The following MOG variants were observed in gnomAD, a reference collection of about 807,000 sequenced individuals.
MOG encodes the protein myelin-oligodendrocyte glycoprotein.
Under a neutral mutation model 35.9 loss-of-function variants are expected in MOG, and 20 were observed. The observed-to-expected ratio is 0.56, with a 90% CI of 0.39 to 0.81. MOG has a LOEUF of 0.81. MOG is among the 30% of genes least tolerant of loss of function. MOG has a pLI of 0.00. For missense variants in MOG, 251 were observed against 301.0 expected (o/e 0.83, Z 1.23); for synonymous variants, 92 against 114.3 (o/e 0.80, Z 1.25).
At chr6:29,668,361 G>A (rs1296976302) in intron 5 of MOG, among the ~76,000 whole-genome samples, 2 of 152,132 alleles carry the variant, frequency 1.3e-5, no homozygotes, top group Non-Finnish European at 2.9e-5. Context: ...ACTAATCAGA[G>A]AAGACCTCAT....
intron 2 of MOG, chr6:29,660,004 A>G (rs898659750): frequency 2.3e-4 from 91 of 397,596 alleles, no homozygotes; most frequent in African/African-American, 1.8e-3. Flanking sequence ...TTATTGAGTG[A>G]TAAGAGCAAG....
In MOG at chr6:29,667,675, T is replaced by G; in HGVS notation, c.571+12T>G. 2 of 1,614,076 alleles carry G rather than the reference T, an allele frequency of 1.2e-6. No individual in the cohort carries two copies. Among genetic ancestry groups the G allele is most frequent in the Non-Finnish European group, 1.7e-6 (2 of 1,179,988 alleles). ...TCGAGCAGAGATAGGTGAGTTCCAGTCATCGTTTCTCCCAATTCTTGCCTT... is the reference window on the plus strand; with the variant it reads ...TCGAGCAGAGATAGGTGAGTTCCAGGCATCGTTTCTCCCAATTCTTGCCTT... On this transcript the variant is annotated intron_variant, in intron 4 of 7. Coordinates refer to ENST00000376917, the MANE Select transcript of MOG (RefSeq NM_206809.4).
chr6:29,662,391 G>T lies in MOG; in HGVS notation c.436+2725G>T, dbSNP rs1769014441. On this transcript the variant is annotated intron_variant, in intron 2 of 7. Coordinates refer to ENST00000376917, the MANE Select transcript of MOG (RefSeq NM_206809.4). The surrounding 1 kb of genome is among the most constrained non-coding windows in gnomAD (Gnocchi z 4.2). ...CCCAGCTACTTGAGAGACTGAGGCA[G>T]GAGAATCGCTTGAACCGGGAGGCAG... Among the ~76,000 whole-genome samples the T allele has an allele frequency of 6.6e-6, 1 of 152,096 alleles. No individual in the cohort carries two copies.
Position 29,671,214 on chromosome 6 carries a change from G to A in MOG, c.*29G>A. Reference sequence around the variant, plus strand: ...ATGTCACATCTTGGCAGGGGTGGAGGAGAGCCTGGTTGCCCAGGGATTTGT... The same window carrying A: ...ATGTCACATCTTGGCAGGGGTGGAGAAGAGCCTGGTTGCCCAGGGATTTGT... On this transcript the variant is annotated 3_prime_UTR_variant, in exon 8 of 8. Coordinates refer to ENST00000376917, the MANE Select transcript of MOG (RefSeq NM_206809.4). The A allele has an allele frequency of 2.5e-6, 4 of 1,612,794 alleles. No homozygotes were observed. Among genetic ancestry groups the A allele is most frequent in the Non-Finnish European group, 3.4e-6 (4 of 1,180,012 alleles).
chr6:29,665,117 A>G (rs563267221), intron 2 of MOG, among the ~76,000 whole-genome samples: 1 of 148,766 alleles, frequency 6.7e-6, no homozygotes, highest in South Asian at 2.1e-4. Flanking sequence ...TTTTTTTGAG[A>G]TGGAGTTTCG....
intron 1 of MOG, among the ~76,000 whole-genome samples, chr6:29,658,749 T>C (rs1767753165): frequency 6.6e-6 from 1 of 152,196 alleles, no homozygotes; most frequent in South Asian, 2.1e-4. Flanking sequence ...AGATGATTGC[T>C]AAAATGTTCT....
In MOG at chr6:29,671,612, T is replaced by C; in HGVS notation, c.*427T>C. On this transcript the variant is annotated 3_prime_UTR_variant, in exon 8 of 8. Coordinates refer to ENST00000376917, the MANE Select transcript of MOG (RefSeq NM_206809.4). ...TTTCTTCCAAGACTCCAGCCCTGAT[T>C]GCGCAAAACTGAAAGGCATGTGAAG... 1 of 671,652 alleles carries C rather than the reference T, an allele frequency of 1.5e-6. No homozygotes were observed. The highest frequency in any genetic ancestry group is 2.7e-6 in the Non-Finnish European group (1 of 374,064). 41.6% of individuals were successfully genotyped at this position (671,652 alleles called of 1,614,324 possible). A position where few individuals can be genotyped will look rare whatever the true frequency, so the allele number is the denominator to read the frequency against.
Position 29,659,634 on chromosome 6 carries a change from A to G in MOG, c.404A>G (p.Gln135Arg). 1 of 1,613,160 alleles carries G rather than the reference A, an allele frequency of 6.2e-7. No homozygotes were observed. Among genetic ancestry groups the G allele is most frequent in the Non-Finnish European group, 8.5e-7 (1 of 1,180,022 alleles). The part of the protein sequence containing the change: ...FTCFFRDHSY[Q>R]EEAAMELKVE... The stretch of plus-strand genomic sequence containing the variant: ...TGCTTCTTCCGAGATCATTCTTACC[A>G]AGAGGAGGCAGCAATGGAATTGAAA... The change falls in exon 2 of 8, where the codon CAA becomes CGA. Residue 135 changes from glutamine (Q) to arginine (R), a missense_variant. By Grantham distance (43) the Gln-to-Arg change is conservative (BLOSUM62 1). Transcript: ENST00000376917.
In MOG at chr6:29,670,643, G is replaced by A; in HGVS notation, c.710-58G>A. On this transcript the variant is annotated intron_variant, in intron 6 of 7. Coordinates refer to ENST00000376917, the MANE Select transcript of MOG (RefSeq NM_206809.4). This position sits in a 1 kb window ranked among gnomAD's most constrained non-coding sequence, Gnocchi z 4.2. The stretch of plus-strand genomic sequence containing the variant: ...CACTCCAAATGTCCATAGGGAGGAT[G>A]TGGGGAAGGTGCTATTCATCTTCCA... The A allele has an allele frequency of 6.2e-7, 1 of 1,603,342 alleles. No individual in the cohort carries two copies. Among genetic ancestry groups the A allele is most frequent in the Non-Finnish European group, 8.5e-7 (1 of 1,174,868 alleles).
chr6:29,667,848 T>A (rs1770559154), intron 4 of MOG, 56 bp from the exon 5 acceptor site: 1 of 1,602,098 alleles, frequency 6.2e-7, no homozygotes, highest in Non-Finnish European at 8.6e-7. Flanking sequence ...AGACTCAGGA[T>A]AAAAGATCCT....
At chr6:29,657,398 T>A in intron 1 of MOG, 101 bp downstream of exon 1, 1 of 942,566 alleles carries the variant, frequency 1.1e-6, no homozygotes, top group East Asian at 2.6e-5. Flanking sequence ...TGCTATATTA[T>A]CTTTCTAAAA....
At chr6:29,661,295 T>C (rs1768680476) in intron 2 of MOG, 1 of 787,074 alleles carries the variant, frequency 1.3e-6, no homozygotes, top group Non-Finnish European at 1.5e-6. Context: ...GATGGCATTG[T>C]ATGTGGAACA....
intron 2 of MOG, among the ~76,000 whole-genome samples, chr6:29,660,587 C>A (rs115369481): frequency 4.1e-5 from 6 of 147,614 alleles, no homozygotes; most frequent in African/African-American, 7.6e-5. Flanking sequence ...CACACACACA[C>A]ACCTGTGCTT....
Position 29,662,578 on chromosome 6 carries a change from C to T in MOG, c.436+2912C>T, listed in dbSNP as rs890667143. Among the ~76,000 whole-genome samples the T allele has an allele frequency of 6.6e-6, 1 of 152,144 alleles. No homozygotes were observed. The highest frequency in any genetic ancestry group is 2.4e-5 in the African/African-American group (1 of 41,438). Reference sequence around the variant, plus strand: ...GCAGCACTTGTCAATCCAGGGACCACCCACCTCACCGGCTCCCCACTCATT... The same window carrying T: ...GCAGCACTTGTCAATCCAGGGACCATCCACCTCACCGGCTCCCCACTCATT... On this transcript the variant is annotated intron_variant, in intron 2 of 7. Coordinates refer to ENST00000376917, the MANE Select transcript of MOG (RefSeq NM_206809.4). This position sits in a 1 kb window ranked among gnomAD's most constrained non-coding sequence, Gnocchi z 4.2.
At chr6:29,666,308 T>A in intron 3 of MOG, 43 bp downstream of exon 3, 1 of 1,194,428 alleles carries the variant, frequency 8.4e-7, no homozygotes. Flanking sequence ...TTTCTTTAAA[T>A]GAGCTGGCTT....
In MOG at chr6:29,671,639, G is replaced by A. The variant is rs115665861; in HGVS notation, c.*454G>A. On this transcript the variant is annotated 3_prime_UTR_variant, in exon 8 of 8. Transcript: ENST00000376917. ...CGCAAAACTGAAAGGCATGTGAAGGGAAGGAAGAGGAAGAGTGCAAAACAT... is the reference window on the plus strand; with the variant it reads ...CGCAAAACTGAAAGGCATGTGAAGGAAAGGAAGAGGAAGAGTGCAAAACAT... 9.5e-3 allele frequency: 5,987 copies of A among 629,974 alleles called. 81 individuals are homozygous for A. Among genetic ancestry groups the A allele is most frequent in the African/African-American group, 0.04 (2,218 of 54,854 alleles). The allele number at this position is 629,974 out of a possible 1,614,324, so 39.0% of individuals were successfully genotyped here.
Position 29,670,964 on chromosome 6 carries a change from T to C in MOG, c.731-208T>C. 4 of 1,612,234 alleles carry C rather than the reference T, an allele frequency of 2.5e-6. No individual in the cohort carries two copies. Among genetic ancestry groups the C allele is most frequent in the Non-Finnish European group, 3.4e-6 (4 of 1,179,768 alleles). Reference sequence around the variant, plus strand: ...TCCTATCTGCCACCTGATCCATTCCTCCTTCACTGCCCCTAAGCAGGAATC... The same window carrying C: ...TCCTATCTGCCACCTGATCCATTCCCCCTTCACTGCCCCTAAGCAGGAATC... On this transcript the variant is annotated intron_variant, in intron 7 of 7. Coordinates refer to ENST00000376917, the MANE Select transcript of MOG (RefSeq NM_206809.4). This position sits in a 1 kb window ranked among gnomAD's most constrained non-coding sequence, Gnocchi z 4.2.
At chr6:29,664,810 T>C (rs771882177) in intron 2 of MOG, 10 of 323,480 alleles carry the variant, frequency 3.1e-5, no homozygotes, top group Admixed American at 4.5e-5. Context: ...TCTCACATTA[T>C]GTTGCCCAGT....
In MOG at chr6:29,659,468, T is replaced by C. The variant is rs770366112; in HGVS notation, c.238T>C (p.Tyr80His). The C allele has an allele frequency of 6.2e-7, 1 of 1,613,056 alleles. No individual in the cohort carries two copies. Among genetic ancestry groups the C allele is most frequent in the South Asian group, 1.1e-5 (1 of 91,072 alleles). ...RPPFSRVVHL[Y>H]RNGKDQDGDQ... is the part of the protein sequence containing the mutation. Reference sequence around the variant, plus strand: ...CCCCTTCTCTAGGGTGGTTCATCTCTACAGAAATGGCAAGGACCAAGATGG... The same window carrying C: ...CCCCTTCTCTAGGGTGGTTCATCTCCACAGAAATGGCAAGGACCAAGATGG... The change falls in exon 2 of 8, where the codon TAC becomes CAC. Residue 80 changes from tyrosine (Y) to histidine (H), a missense_variant. By Grantham distance (83) the Tyr-to-His change is moderately conservative (BLOSUM62 2). Coordinates refer to ENST00000376917, the MANE Select transcript of MOG (RefSeq NM_206809.4).
Sources: allele counts gnomAD v4.1 joint callset (sites outside exome capture counted in the v4.1 genomes callset), GRCh38; gene constraint gnomAD v4.1.1; non-coding constraint Gnocchi (gnomAD v3.1); transcripts MANE v1.5; gene names NCBI Gene and HGNC (gene_info 2026-07-23, HGNC 2026-07-21).